The following WNT9B variants were observed in gnomAD, a reference collection of about 807,000 sequenced individuals.
WNT9B encodes protein Wnt-9b.
WNT9B carries 12 observed loss-of-function variants against 30.2 expected under a neutral mutation model. The observed-to-expected ratio is 0.40, with a 90% CI of 0.26 to 0.64. The LOEUF is 0.64. WNT9B is among the 30% of genes least tolerant of loss of function. WNT9B has a pLI of 0.42. For synonymous variants in WNT9B, 218 were observed against 216.9 expected (o/e 1.01, Z -0.05); for missense variants, 442 against 485.2 (o/e 0.91, Z 0.84).
At chr17:46,873,294 C>T (rs1042195750) in intron 2 of WNT9B, among the ~76,000 whole-genome samples, 1 of 152,142 alleles carries the variant, frequency 6.6e-6, no homozygotes, top group African/African-American at 2.4e-5. Flanking sequence ...TTCTACCTCC[C>T]TCCCCACTCC....
Position 46,851,761 on chromosome 17 carries a change from T to A in WNT9B, c.77+46T>A. The A allele has an allele frequency of 9.7e-7, 1 of 1,026,038 alleles. No homozygotes were observed. The highest frequency in any genetic ancestry group is 1.3e-6 in the Non-Finnish European group (1 of 792,924). 63.6% of individuals were successfully genotyped at this position (1,026,038 alleles called of 1,614,324 possible). On this transcript the variant is annotated intron_variant, in intron 1 of 3. Transcript: ENST00000290015. The surrounding 1 kb of genome is among the most constrained non-coding windows in gnomAD (Gnocchi z 4.3). ...CCGCCCGCTCCCCGGCCTGCCTGTC[T>A]CTCCCTCCTGCGCTACAGCTGGGCC... is the stretch of plus-strand genomic sequence containing the variant.
At chr17:46,862,374 T>C (rs1293430667) in intron 1 of WNT9B, among the ~76,000 whole-genome samples, 2 of 152,130 alleles carry the variant, frequency 1.3e-5, no homozygotes, top group African/African-American at 4.8e-5. Flanking sequence ...CAGGTAGACA[T>C]CTACAGGTTG....
chr17:46,876,130 C>T (rs2085340868), intron 3 of WNT9B, 115 bp from the exon 4 acceptor site: 2 of 1,011,494 alleles, frequency 2.0e-6, no homozygotes, highest in South Asian at 3.4e-5. Flanking sequence ...GGCTGAGACC[C>T]TGGGTCTCTT....
chr17:46,885,098 C>T (rs1048305628), downstream of WNT9B: 1 of 435,308 alleles, frequency 2.3e-6, no homozygotes, highest in East Asian at 7.5e-5. Flanking sequence ...AAGCGATTCT[C>T]CCGTCTCAGC....
chr17:46,845,822 G>A (rs924843330), intron 1 of WNT9B, among the ~76,000 whole-genome samples: 3 of 117,142 alleles, frequency 2.6e-5, no homozygotes, highest in East Asian at 5.1e-4. Context: ...ATCAAATCTC[G>A]TTCTGTCCTC....
intron 1 of WNT9B, among the ~76,000 whole-genome samples, chr17:46,834,561 G>A (rs931545879): frequency 6.6e-6 from 1 of 152,100 alleles, no homozygotes; most frequent in African/African-American, 2.4e-5. Context: ...TCTCAAGAAC[G>A]GTCAACTCTA....
In WNT9B at chr17:46,863,957, C is replaced by T. The variant is rs140414700; in HGVS notation, c.78-8560C>T. ...AGCTGGGCGAAGGGTGTGGGCCATC[C>T]GTGGGGCCTGCAGGAGAACAAGTGG... On this transcript the variant is annotated intron_variant, in intron 1 of 3. Coordinates refer to ENST00000290015, the MANE Select transcript of WNT9B (RefSeq NM_003396.3). Among the ~76,000 whole-genome samples, 1,476 of 152,278 alleles carry T rather than the reference C, an allele frequency of 9.7e-3. 10 individuals carry two copies. The highest frequency in any genetic ancestry group is 0.034 in the Middle Eastern group (10 of 294).
At chr17:46,859,936 A>G (rs987592838) in intron 1 of WNT9B, among the ~76,000 whole-genome samples, 6 of 152,310 alleles carry the variant, frequency 3.9e-5, no homozygotes, top group African/African-American at 1.4e-4. Context: ...AATGTGCTCT[A>G]TGTATTTAGA....
At chr17:46,875,608 G>A (rs949975677) in intron 3 of WNT9B, among the ~76,000 whole-genome samples, 29 of 152,224 alleles carry the variant, frequency 1.9e-4, no homozygotes, top group African/African-American at 7.0e-4. Context: ...TGGAAGCAGT[G>A]GTCACCAGTG....
In WNT9B at chr17:46,879,632, AGCTGT is replaced by A. The variant is rs1193782981; in HGVS notation, c.*2918_*2922del. ...TTATAGATGAGGTCCAGAGATGGAG[AGCTGT>A]GCTCAAAGTCACACCTAAGAGACTT... On this transcript the variant is annotated 3_prime_UTR_variant, in exon 4 of 4. Transcript: ENST00000290015. Among the ~76,000 whole-genome samples, 1 of 152,198 alleles carries A rather than the reference AGCTGT, an allele frequency of 6.6e-6. No individual in the cohort carries two copies. Among genetic ancestry groups the A allele is most frequent in the Non-Finnish European group, 1.5e-5 (1 of 68,032 alleles).
At chr17:46,851,004 C>G (rs1045303307), upstream of WNT9B, among the ~76,000 whole-genome samples, 2 of 152,218 alleles carry the variant, frequency 1.3e-5, no homozygotes, top group African/African-American at 2.4e-5. The surrounding 1 kb of genome is among the most constrained non-coding windows in gnomAD (Gnocchi z 4.3). Context: ...TCCCCTCTGC[C>G]CAAGACTCTT....
chr17:46,861,422 C>T (rs1445621291), intron 1 of WNT9B, among the ~76,000 whole-genome samples: 1 of 152,180 alleles, frequency 6.6e-6, no homozygotes, highest in Non-Finnish European at 1.5e-5. Flanking sequence ...CTGGAATCTC[C>T]CTCTGTGCCC....
At chr17:46,839,088 A>G (rs1271713923) in intron 1 of WNT9B, among the ~76,000 whole-genome samples, 112 of 152,108 alleles carry the variant, frequency 7.4e-4, no homozygotes, top group Non-Finnish European at 1.1e-3. Context: ...ATGTTGGCCA[A>G]GCTGGTCTCG....
At chr17:46,847,967 A>AGTGAGTGTGTGT (rs1555694099), upstream of WNT9B, among the ~76,000 whole-genome samples, 1 of 149,584 alleles carries the variant, frequency 6.7e-6, no homozygotes, top group African/African-American at 2.5e-5. Context: ...TGATTTCCAA[A>AGTGAGTGTGTGT]GTGTGTGTGT....
At chr17:46,853,976 T>C (rs930676367) in intron 1 of WNT9B, among the ~76,000 whole-genome samples, 1 of 151,674 alleles carries the variant, frequency 6.6e-6, no homozygotes, top group African/African-American at 2.4e-5. Context: ...AAATGACATG[T>C]GAGATGGTCA....
chr17:46,883,458 T>C (rs996202276), downstream of WNT9B, among the ~76,000 whole-genome samples: 2 of 151,924 alleles, frequency 1.3e-5, no homozygotes, highest in East Asian at 3.9e-4. Context: ...CTTATTTTTG[T>C]ATTTTTAGTA....
upstream of WNT9B, chr17:46,851,535 C>A: frequency 1.8e-6 from 1 of 550,188 alleles, no homozygotes; most frequent in Non-Finnish European, 2.7e-6. This position sits in a 1 kb window ranked among gnomAD's most constrained non-coding sequence, Gnocchi z 4.3. Flanking sequence ...CCAGCGCCGC[C>A]TGCCCCGCCC....
chr17:46,835,193 C>T (rs1018816789), intron 1 of WNT9B, among the ~76,000 whole-genome samples: 1 of 151,938 alleles, frequency 6.6e-6, no homozygotes, highest in African/African-American at 2.4e-5. Flanking sequence ...CAGATGAGGT[C>T]TTGCCATGTT....
At chr17:46,850,792 A>G (rs138799033), upstream of WNT9B, among the ~76,000 whole-genome samples, 1 of 151,708 alleles carries the variant, frequency 6.6e-6, no homozygotes, top group African/African-American at 2.4e-5. Flanking sequence ...TTCCCACCCT[A>G]TCTACCAGAG....
Sources: gnomAD v4.1 joint callset for allele counts (sites outside exome capture counted in the v4.1 genomes callset) on GRCh38, gnomAD v4.1.1 for gene constraint, Gnocchi (gnomAD v3.1) non-coding constraint, MANE v1.5 for transcripts, NCBI Gene and HGNC (gene_info 2026-07-23, HGNC 2026-07-21) for gene names.